Variants in REEP1 observed in about 807,000 individuals in gnomAD.
REEP1 encodes receptor expression-enhancing protein 1.
In REEP1, 22 loss-of-function variants were observed where a neutral mutation model predicts 40.3. The ratio of observed to expected loss-of-function variants is 0.55; its 90% confidence interval spans 0.39 to 0.78. The LOEUF (loss-of-function observed/expected upper bound fraction) is 0.78. Ranked by LOEUF, REEP1 falls within the 30% of genes least tolerant of loss-of-function variation. REEP1 has a pLI of 0.00. For synonymous variants in REEP1, 116 were observed against 139.2 expected, an observed-to-expected ratio of 0.83 and a Z score of 1.17; for missense variants, 280 against 361.1, an observed-to-expected ratio of 0.78 and a Z score of 1.82.
At chr2:86,254,390 A>ATTCTTT (rs1676434516) in intron 4 of REEP1, among the ~76,000 whole-genome samples, 1 of 152,232 alleles carries the variant, frequency 6.6e-6, no homozygotes. Flanking sequence ...ACAGGGGCTA[A>ATTCTTT]GCATGACAAA....
intron 1 of REEP1, among the ~76,000 whole-genome samples, chr2:86,305,702 C>T (rs1219206308): frequency 6.6e-6 from 1 of 152,136 alleles, no homozygotes; most frequent in African/African-American, 2.4e-5. Flanking sequence ...TCAGATTTGC[C>T]TCTTCCTTCC....
At chr2:86,278,850 C>T (rs572205885) in intron 2 of REEP1, among the ~76,000 whole-genome samples, 2 of 152,364 alleles carry the variant, frequency 1.3e-5, no homozygotes, top group South Asian at 4.1e-4. Flanking sequence ...GTATCTTTCT[C>T]CTGCTACCTA....
intron 1 of REEP1, among the ~76,000 whole-genome samples, chr2:86,291,898 T>C (rs1228785606): frequency 1.5e-4 from 23 of 152,240 alleles, no homozygotes; most frequent in Admixed American, 1.4e-3. Flanking sequence ...AAAAGTCTGA[T>C]GCAAGCAGGA....
intron 2 of REEP1, chr2:86,279,930 TA>T (rs2104385847): frequency 2.2e-6 from 1 of 455,658 alleles, no homozygotes; most frequent in East Asian, 6.9e-5. Context: ...ATGGTGACAA[TA>T]AAAAACTAAT....
At chr2:86,264,125 C>A in intron 2 of REEP1, 84 bp from the exon 3 acceptor site, 1 of 995,100 alleles carries the variant, frequency 1.0e-6, no homozygotes. Flanking sequence ...GCCCCGGCGG[C>A]AGATACGGAG....
chr2:86,310,745 G>GTT (rs1679724587), intron 1 of REEP1, among the ~76,000 whole-genome samples: 2 of 152,012 alleles, frequency 1.3e-5, no homozygotes, highest in Admixed American at 1.3e-4. Flanking sequence ...GTGTGTGTGT[G>GTT]TATGTGTAGT....
At chr2:86,245,524 T>C (rs1162632912) in intron 5 of REEP1, among the ~76,000 whole-genome samples, 1 of 152,218 alleles carries the variant, frequency 6.6e-6, no homozygotes, top group African/African-American at 2.4e-5. Context: ...ATTGCACCTA[T>C]GACGCACTGC....
At chr2:86,329,323 C>T (rs966537401) in intron 1 of REEP1, among the ~76,000 whole-genome samples, 1 of 152,172 alleles carries the variant, frequency 6.6e-6, no homozygotes, top group Non-Finnish European at 1.5e-5. Flanking sequence ...TCATTTAGGG[C>T]CGCAGTTTCC....
At chr2:86,270,218 T>C (rs550491954) in intron 2 of REEP1, among the ~76,000 whole-genome samples, 23 of 152,222 alleles carry the variant, frequency 1.5e-4, no homozygotes, top group African/African-American at 5.1e-4. Flanking sequence ...TTTGTTGAGA[T>C]GGAGTTTTGC....
chr2:86,213,993 T>A lies in REEP1; in HGVS notation c.*3046A>T. The A allele has an allele frequency of 3.6e-6, 1 of 274,614 alleles. No homozygotes were observed. The highest frequency in any genetic ancestry group is 2.2e-5 in the African/African-American group (1 of 45,182). 17.0% of individuals were successfully genotyped at this position (274,614 alleles called of 1,614,324 possible). On this transcript the variant is annotated 3_prime_UTR_variant, in exon 9 of 9. Transcript: ENST00000538924. ...TTTTAAGCCCAACATTACAAAGATG[T>A]TTTTTAAAAGAAAAATGTTAAGACT...
At chr2:86,226,114 CCAT>C (rs1449633102) in intron 7 of REEP1, among the ~76,000 whole-genome samples, 1 of 140,680 alleles carries the variant, frequency 7.1e-6, no homozygotes, top group African/African-American at 2.7e-5. Context: ...ACCACCACCA[CCAT>C]CATCACCACC....
chr2:86,295,763 TCTC>T (rs1329131413), intron 1 of REEP1, among the ~76,000 whole-genome samples: 4 of 152,160 alleles, frequency 2.6e-5, no homozygotes, highest in Non-Finnish European at 4.4e-5. Context: ...ATGGTCTCGA[TCTC>T]CTGACCTCGT....
At chr2:86,258,418 C>T (rs1676685276) in intron 3 of REEP1, among the ~76,000 whole-genome samples, 1 of 152,172 alleles carries the variant, frequency 6.6e-6, no homozygotes, top group African/African-American at 2.4e-5. Context: ...CCTGAAAGCT[C>T]AAAACATTTA....
rs377683815 is a variant in REEP1 at position 86,232,819 on chromosome 2, A to G, written c.418-17T>C. On this transcript the variant is annotated splice_polypyrimidine_tract_variant and intron_variant, in intron 5 of 8. Coordinates refer to ENST00000538924, the MANE Select transcript of REEP1 (RefSeq NM_001371279.1). ...ACCCTGTCCCTGGATACAACACAGG[A>G]GGGGCACACGTCAGAGGTCCTGCTC... is the stretch of plus-strand genomic sequence containing the variant. 24 of 1,598,086 alleles carry G rather than the reference A, an allele frequency of 1.5e-5. No individual in the cohort carries two copies. Among genetic ancestry groups the G allele is most frequent in the East Asian group, 1.1e-4 (5 of 44,842 alleles).
At chr2:86,319,265 C>G (rs556534942) in intron 1 of REEP1, among the ~76,000 whole-genome samples, 2 of 152,270 alleles carry the variant, frequency 1.3e-5, no homozygotes, top group East Asian at 3.9e-4. Context: ...TATTAAACTC[C>G]TAGGTGAGGT....
chr2:86,298,641 G>A (rs1679109681), intron 1 of REEP1, among the ~76,000 whole-genome samples: 1 of 152,208 alleles, frequency 6.6e-6, no homozygotes, highest in South Asian at 2.1e-4. Context: ...AGCATGAACT[G>A]GGCCCTCTAC....
chr2:86,270,990 T>C (rs143833460), intron 2 of REEP1, among the ~76,000 whole-genome samples: 231 of 152,118 alleles, frequency 1.5e-3, no homozygotes, highest in African/African-American at 5.4e-3. Flanking sequence ...CCAGGAGTTC[T>C]AGACCAGCCT....
intron 1 of REEP1, among the ~76,000 whole-genome samples, chr2:86,297,464 A>G (rs532136863): frequency 6.6e-6 from 1 of 152,396 alleles, no homozygotes; most frequent in African/African-American, 2.4e-5. Flanking sequence ...CTCTGACCAG[A>G]GGACCATGGA....
chr2:86,230,469 G>A (rs1205090360), intron 6 of REEP1, among the ~76,000 whole-genome samples: 3 of 152,200 alleles, frequency 2.0e-5, no homozygotes, highest in African/African-American at 7.2e-5. Flanking sequence ...GGACGCCAGG[G>A]CCACCTAAGC....
Sources: allele counts gnomAD v4.1 joint callset (sites outside exome capture counted in the v4.1 genomes callset), GRCh38; gene constraint gnomAD v4.1.1; transcripts MANE v1.5; gene names NCBI Gene and HGNC (gene_info 2026-07-23, HGNC 2026-07-21).